ANXA4: variants seen among roughly 807,000 people sequenced by gnomAD.
ANXA4 encodes the protein 35-beta calcimedin.
Under a neutral mutation model 49.8 loss-of-function variants are expected in ANXA4, and 39 were observed. The ratio of observed to expected loss-of-function variants is 0.78; its 90% CI spans 0.61 to 1.02. The LOEUF is 1.02. Ranked by LOEUF, ANXA4 falls within the 50% of genes least tolerant of loss-of-function variation. The pLI, the probability that ANXA4 is intolerant of heterozygous loss-of-function variation, is 0.00. For synonymous variants in ANXA4, 134 were observed against 152.5 expected (o/e 0.88, Z 0.89); for missense variants, 360 against 410.1 (o/e 0.88, Z 1.05).
upstream of ANXA4, among the ~76,000 whole-genome samples, chr2:69,644,166 C>G (rs112073452): frequency 1.1e-4 from 1 of 9,240 alleles, no homozygotes; most frequent in African/African-American, 3.0e-4. Flanking sequence ...CAACTAAGTT[C>G]CCCCCCCCCC....
intron 3 of ANXA4, among the ~76,000 whole-genome samples, chr2:69,801,943 C>T (rs572585316): frequency 6.6e-6 from 1 of 152,266 alleles, no homozygotes; most frequent in African/African-American, 2.4e-5. Flanking sequence ...GTTAAGAGGA[C>T]ATATAAACCA....
chr2:69,813,494 G>A (rs533180925), intron 8 of ANXA4, among the ~76,000 whole-genome samples: 127 of 151,716 alleles, frequency 8.4e-4, no homozygotes, highest in Non-Finnish European at 1.4e-3. Context: ...CTGGTGATCC[G>A]CCTGCCTTGG....
intron 11 of ANXA4, among the ~76,000 whole-genome samples, chr2:69,820,213 A>G (rs1674171861): frequency 6.6e-6 from 1 of 151,392 alleles, no homozygotes; most frequent in Non-Finnish European, 1.5e-5. Flanking sequence ...GGATCCAAAC[A>G]TTGTAGAAAC....
intron 2 of ANXA4, among the ~76,000 whole-genome samples, chr2:69,694,524 T>TC (rs1286813842): frequency 9.7e-4 from 17 of 17,598 alleles, no homozygotes; most frequent in African/African-American, 3.7e-3. Flanking sequence ...CCCTCCCCCC[T>TC]CCCCCCACCC....
At chr2:69,789,291 G>A (rs1433641587) in intron 3 of ANXA4, among the ~76,000 whole-genome samples, 1 of 152,176 alleles carries the variant, frequency 6.6e-6, no homozygotes. Flanking sequence ...CGCACAGTGA[G>A]TGAAACTGAG....
At chr2:69,670,648 A>G (rs934513962) in intron 2 of ANXA4, among the ~76,000 whole-genome samples, 7 of 152,094 alleles carry the variant, frequency 4.6e-5, no homozygotes, top group African/African-American at 1.7e-4. Context: ...TGACATATAC[A>G]TGGGGAAGAG....
chr2:69,799,608 A>T (rs916208258), intron 3 of ANXA4, among the ~76,000 whole-genome samples: 1 of 152,244 alleles, frequency 6.6e-6, no homozygotes, highest in Non-Finnish European at 1.5e-5. Flanking sequence ...GCCTCCTATA[A>T]CACTGGTAGT....
rs149032981 is a variant in ANXA4 at position 69,690,662 on chromosome 2, G to A, written n.767-30112G>A. On this transcript the variant is annotated intron_variant and non_coding_transcript_variant, in intron 2 of 3. Transcript: ENST00000418066. ...TTTCAAATGATTTTCAGACATCTAA[G>A]ATTAGCCCTTTATTGGTCCAACCCC... is the stretch of plus-strand genomic sequence containing the variant. Among the ~76,000 whole-genome samples, 808 of 152,266 alleles carry A rather than the reference G, an allele frequency of 5.3e-3. 9 individuals carry two copies. Among genetic ancestry groups the A allele is most frequent in the African/African-American group, 0.018 (763 of 41,534 alleles).
chr2:69,772,442 C>A (rs1459408878), intron 1 of ANXA4, among the ~76,000 whole-genome samples: 1 of 152,088 alleles, frequency 6.6e-6, no homozygotes, highest in South Asian at 2.1e-4. Flanking sequence ...ATAGGTGGAA[C>A]TTCCAGAAGA....
At position 69,807,911 on chromosome 2, in the gene ANXA4, C is replaced by A. The variant is rs375477161; in HGVS notation, c.312C>A (p.Ala104=). The change falls in exon 6 of 13, where the codon GCC becomes GCA. Residue 104 remains alanine, a synonymous_variant. Coordinates refer to ENST00000394295, the MANE Select transcript of ANXA4 (RefSeq NM_001153.5). ...TCCTCTGGTTTCTTGTTTAGGGAGCCGGCACTGATGAGGGCTGCCTAATTG... is the reference window on the plus strand; with the variant it reads ...TCCTCTGGTTTCTTGTTTAGGGAGCAGGCACTGATGAGGGCTGCCTAATTG... ...VQELRRAMKG[A]GTDEGCLIEI... The A allele has an allele frequency of 6.2e-7, 1 of 1,613,980 alleles. No individual in the cohort carries two copies. Among genetic ancestry groups the A allele is most frequent in the South Asian group, 1.1e-5 (1 of 91,064 alleles).
At chr2:69,803,066 T>C (rs1673286706) in intron 3 of ANXA4, among the ~76,000 whole-genome samples, 1 of 151,616 alleles carries the variant, frequency 6.6e-6, no homozygotes, top group East Asian at 1.9e-4. Flanking sequence ...CCAGGCATGG[T>C]GGCAGGCACC....
chr2:69,798,713 G>GAGAGAATAA (rs1273398117), intron 3 of ANXA4, among the ~76,000 whole-genome samples: 1 of 152,244 alleles, frequency 6.6e-6, no homozygotes, highest in Non-Finnish European at 1.5e-5. Context: ...CGGTGTTTTT[G>GAGAGAATAA]ATAGTTATTT....
chr2:69,708,396 T>A (rs1373103583), intron 2 of ANXA4, among the ~76,000 whole-genome samples: 5 of 152,182 alleles, frequency 3.3e-5, no homozygotes, highest in African/African-American at 9.7e-5. Flanking sequence ...AACAGTTAAG[T>A]ATTTTAAGGC....
chr2:69,683,804 A>G (rs1206084213), intron 2 of ANXA4, among the ~76,000 whole-genome samples: 1 of 152,226 alleles, frequency 6.6e-6, no homozygotes, highest in Non-Finnish European at 1.5e-5. Context: ...ATAAGGCAAG[A>G]GAATTTGTCC....
chr2:69,795,696 A>C (rs1055979807), intron 3 of ANXA4, among the ~76,000 whole-genome samples: 1 of 152,162 alleles, frequency 6.6e-6, no homozygotes, highest in African/African-American at 2.4e-5. Flanking sequence ...TGAGTTGTCC[A>C]CACTTCTGGA....
intron 2 of ANXA4, among the ~76,000 whole-genome samples, chr2:69,667,681 A>G (rs557485296): frequency 6.6e-6 from 1 of 152,056 alleles, no homozygotes; most frequent in African/African-American, 2.4e-5. Flanking sequence ...CATGTGATCT[A>G]TTCTTTATTA....
intron 8 of ANXA4, among the ~76,000 whole-genome samples, chr2:69,813,188 A>G (rs1219932196): frequency 6.6e-6 from 1 of 152,192 alleles, no homozygotes; most frequent in South Asian, 2.1e-4. Context: ...TGGCCAGATA[A>G]CACTAACGAT....
chr2:69,678,401 T>TC (rs1470629635), intron 2 of ANXA4, among the ~76,000 whole-genome samples: 1 of 144,466 alleles, frequency 6.9e-6, no homozygotes, highest in African/African-American at 2.6e-5. Context: ...TTTTTTTTTT[T>TC]TTTTTTTTTT....
At chr2:69,781,358 A>T in intron 1 of ANXA4, 162 bp from the exon 2 acceptor site, 1 of 616,788 alleles carries the variant, frequency 1.6e-6, no homozygotes. Context: ...TTCTCTAATT[A>T]GCCCATTCCT....
Sources: allele counts gnomAD v4.1 joint callset (sites outside exome capture counted in the v4.1 genomes callset), GRCh38; gene constraint gnomAD v4.1.1; transcripts MANE v1.5; gene names NCBI Gene and HGNC (gene_info 2026-07-23, HGNC 2026-07-21).